Variants in HECW2 observed in about 807,000 individuals in gnomAD.
HECW2 encodes the protein HECT, C2 and WW domain containing E3 ubiquitin protein ligase 2, also known as E3 ubiquitin-protein ligase HECW2.
A neutral mutation model predicts 175.2 loss-of-function variants in HECW2; 61 were observed. The ratio of observed to expected loss-of-function variants is 0.35; its 90% CI spans 0.28 to 0.43. The LOEUF (loss-of-function observed/expected upper bound fraction) is 0.43. Ranked by LOEUF, HECW2 falls within the 20% of genes least tolerant of loss-of-function variation. The pLI is 1.00. For synonymous variants in HECW2, 671 were observed against 731.0 expected, an observed-to-expected ratio of 0.92 and a Z score of 1.32; for missense variants, 1,524 against 2,000.5, an observed-to-expected ratio of 0.76 and a Z score of 4.54.
intron 9 of HECW2, 68 bp downstream of exon 9, chr2:196,318,484 A>C: frequency 7.3e-7 from 1 of 1,375,918 alleles, no homozygotes; most frequent in Non-Finnish European, 9.4e-7. Context: ...CATTGAGGGG[A>C]AAACTACAGA....
At chr2:196,311,284 C>T (rs1368307415) in intron 10 of HECW2, among the ~76,000 whole-genome samples, 1 of 152,196 alleles carries the variant, frequency 6.6e-6, no homozygotes, top group African/African-American at 2.4e-5. Context: ...ATGCAGATTC[C>T]TATGATGCAC....
chr2:196,327,622 G>A (rs1038123138), intron 5 of HECW2, among the ~76,000 whole-genome samples: 2 of 152,182 alleles, frequency 1.3e-5, no homozygotes, highest in Non-Finnish European at 1.5e-5. Flanking sequence ...GTGCTTAAAT[G>A]TTCTCAGATA....
In HECW2 at chr2:196,319,032, C is replaced by T. The variant is rs1296444068; in HGVS notation, c.1858G>A (p.Ala620Thr). Residue 620 changes from alanine to threonine, a missense_variant, in exon 9 of 29, where the codon GCC becomes ACC. By Grantham distance (58) the Ala-to-Thr change is moderately conservative. Around this residue, in one of 11 missense-constraint regions of HECW2, gnomAD observed 604 missense variants for 588.3 expected, o/e 1.03. Transcript: ENST00000644978. Reference protein sequence around the residue: ...VSSETEPSDPARTESVSEAST... With the variant: ...VSSETEPSDPTRTESVSEAST... ...GCTTCGCTCACACTCTCTGTCCTGG[C>T]AGGATCACTGGGTTCTGTTTCAGAG... 2 of 1,613,882 alleles carry T rather than the reference C, an allele frequency of 1.2e-6. No individual in the cohort carries two copies. The highest frequency in any genetic ancestry group is 1.7e-5 in the Admixed American group (1 of 59,978).
chr2:196,258,106 A>T, intron 17 of HECW2, 200 bp from the exon 18 acceptor site: 1 of 542,362 alleles, frequency 1.8e-6, no homozygotes, highest in South Asian at 2.5e-5. Context: ...AAGCATCAAC[A>T]CCTCCCAGTT....
intron 7 of HECW2, among the ~76,000 whole-genome samples, chr2:196,320,862 G>A (rs575253595): frequency 6.6e-6 from 1 of 152,318 alleles, no homozygotes; most frequent in African/African-American, 2.4e-5. Flanking sequence ...TAGCACAACA[G>A]AAAGCTGGTT....
intron 2 of HECW2, among the ~76,000 whole-genome samples, chr2:196,371,396 C>A (rs970818731): frequency 3.9e-5 from 6 of 152,074 alleles, no homozygotes; most frequent in African/African-American, 1.4e-4. Flanking sequence ...AGTAAAAGGA[C>A]AAGCAAGTAC....
intron 21 of HECW2, among the ~76,000 whole-genome samples, chr2:196,235,648 CTTTTTTTTTTTTT>C (rs757874073): frequency 1.3e-5 from 1 of 78,898 alleles, no homozygotes; most frequent in Non-Finnish European, 2.4e-5. Context: ...ATGCATTATT[CTTTTTTTTTTTTT>C]TTTTTTTTTT....
rs1347708564 is a variant in HECW2 at position 196,319,876 on chromosome 2, T to C, written c.1014A>G (p.Ile338Met). 6.2e-7 allele frequency: 1 copy of C among 1,610,190 alleles called. No individual in the cohort carries two copies. Among genetic ancestry groups the C allele is most frequent in the East Asian group, 2.2e-5 (1 of 44,774 alleles). The change falls in exon 9 of 29, where the codon ATA becomes ATG. Residue 338 changes from isoleucine (I) to methionine (M), a missense_variant. Around this residue, in one of 11 missense-constraint regions of HECW2, gnomAD observed 604 missense variants for 588.3 expected, o/e 1.03. Transcript: ENST00000644978. Reference sequence around the variant, plus strand: ...CTCCATTCACAGAATTGACTCCAAGTATTGTGCCAACAGCTTCTGGAGAGG... The same window carrying C: ...CTCCATTCACAGAATTGACTCCAAGCATTGTGCCAACAGCTTCTGGAGAGG... ...EDASPEAVGT[I>M]LGVNSVNGDL...
chr2:196,278,396 T>C (rs1690057903), intron 15 of HECW2, 132 bp downstream of exon 15: 1 of 953,662 alleles, frequency 1.0e-6, no homozygotes, highest in Non-Finnish European at 1.5e-6. Flanking sequence ...CGAAAGCTTT[T>C]CAGCCTCTAA....
intron 21 of HECW2, 27 bp from the exon 22 acceptor site, chr2:196,228,281 A>G (rs3748874): frequency 6.3e-7 from 1 of 1,579,412 alleles, no homozygotes; most frequent in Non-Finnish European, 8.6e-7. Flanking sequence ...CAAAAAGAAT[A>G]ATCTGTTACT....
intron 25 of HECW2, among the ~76,000 whole-genome samples, chr2:196,220,488 C>G (rs957265381): frequency 1.3e-5 from 2 of 152,130 alleles, no homozygotes; most frequent in Non-Finnish European, 2.9e-5. Context: ...TTTCACATAG[C>G]AAGCATGAGA....
At chr2:196,413,729 G>A (rs1220710354) in intron 2 of HECW2, among the ~76,000 whole-genome samples, 1 of 152,114 alleles carries the variant, frequency 6.6e-6, no homozygotes, top group African/African-American at 2.4e-5. Flanking sequence ...TATTATCATG[G>A]ATAAAATGGA....
intron 2 of HECW2, among the ~76,000 whole-genome samples, chr2:196,398,988 C>T (rs1694745168): frequency 6.6e-6 from 1 of 151,998 alleles, no homozygotes; most frequent in African/African-American, 2.4e-5. Context: ...TCTTTAAAAA[C>T]AAAAAATAGA....
At chr2:196,238,459 C>A (rs200237336) in intron 21 of HECW2, 3 of 4,102 alleles carry the variant, frequency 7.3e-4, no homozygotes, top group African/African-American at 8.9e-4. Context: ...TTCTTTCTTT[C>A]TTTATTTTTT....
intron 19 of HECW2, among the ~76,000 whole-genome samples, chr2:196,243,814 G>A (rs1264098593): frequency 1.3e-5 from 2 of 152,088 alleles, no homozygotes; most frequent in East Asian, 3.9e-4. Flanking sequence ...CCTGACCTCA[G>A]GTGATCCGCC....
intron 1 of HECW2, among the ~76,000 whole-genome samples, chr2:196,548,386 A>C (rs963896593): frequency 2.0e-5 from 3 of 151,938 alleles, no homozygotes; most frequent in African/African-American, 7.2e-5. Flanking sequence ...ATCTTACATA[A>C]TACAGATGCT....
chr2:196,203,895 C>G (rs1267083086), intron 28 of HECW2, among the ~76,000 whole-genome samples: 1 of 152,160 alleles, frequency 6.6e-6, no homozygotes, highest in African/African-American at 2.4e-5. Context: ...CCCCTGGAAA[C>G]CACCATTCTA....
At chr2:196,444,760 A>AG (rs776917238) in intron 1 of HECW2, among the ~76,000 whole-genome samples, 6 of 152,382 alleles carry the variant, frequency 3.9e-5, no homozygotes, top group Non-Finnish European at 5.9e-5. Context: ...AAAGCTCATT[A>AG]GGCTGAGATC....
intron 17 of HECW2, among the ~76,000 whole-genome samples, chr2:196,270,705 A>AT (rs200659885): frequency 5.2e-3 from 420 of 81,006 alleles, no homozygotes; most frequent in South Asian, 0.037. Context: ...ATTCACCTTT[A>AT]TTTATTTTTT....
Sources: allele counts gnomAD v4.1 joint callset (sites outside exome capture counted in the v4.1 genomes callset), GRCh38; gene constraint gnomAD v4.1.1; regional missense constraint gnomAD v4.1.1; transcripts MANE v1.5; gene names NCBI Gene and HGNC (gene_info 2026-07-23, HGNC 2026-07-21).